ACVR2A: variants seen among roughly 807,000 people sequenced by gnomAD.
ACVR2A encodes the protein activin A receptor type 2A, also known as activin receptor type-2A.
ACVR2A carries 7 observed loss-of-function variants against 61.4 expected under a neutral mutation model. The ratio of observed to expected loss-of-function variants is 0.11; its 90% CI spans 0.06 to 0.21. The LOEUF (loss-of-function observed/expected upper bound fraction) is 0.21, where lower values mean the gene tolerates loss of function less well. Among genes scored for constraint, ACVR2A ranks in the 10% least tolerant of loss-of-function variants. The probability of loss-of-function intolerance (pLI) is 1.00; values close to 1 mark genes in which losing one functional copy is unlikely to be tolerated. For missense variants in ACVR2A, 322 were observed against 621.7 expected, an observed-to-expected ratio of 0.52 and a Z score of 5.13; for synonymous variants, 193 against 208.3, an observed-to-expected ratio of 0.93 and a Z score of 0.63.
intron 10 of ACVR2A, 114 bp from the exon 11 acceptor site, chr2:147,926,966 G>A (rs1687515116): frequency 2.0e-6 from 2 of 998,210 alleles, no homozygotes; most frequent in Non-Finnish European, 2.9e-6. Context: ...AGTGAATGTT[G>A]ACAGAAACTT....
intron 1 of ACVR2A, among the ~76,000 whole-genome samples, chr2:147,859,762 C>G (rs1301797036): frequency 6.6e-6 from 1 of 152,052 alleles, no homozygotes; most frequent in Non-Finnish European, 1.5e-5. Flanking sequence ...TTTCTTGCTA[C>G]AGTACGTTTT....
intron 8 of ACVR2A, among the ~76,000 whole-genome samples, chr2:147,922,327 T>C (rs1049463613): frequency 1.3e-5 from 2 of 152,138 alleles, no homozygotes; most frequent in African/African-American, 4.8e-5. Flanking sequence ...GACTACTCTC[T>C]AGTTCGAATA....
intron 1 of ACVR2A, among the ~76,000 whole-genome samples, chr2:147,893,240 A>T (rs1558805493): frequency 6.6e-6 from 1 of 152,112 alleles, no homozygotes; most frequent in Admixed American, 6.5e-5. Context: ...TCACTAGTTC[A>T]TTCCTTTTTT....
At chr2:147,922,130 G>T (rs1008431855) in intron 8 of ACVR2A, among the ~76,000 whole-genome samples, 1 of 151,986 alleles carries the variant, frequency 6.6e-6, no homozygotes, top group Non-Finnish European at 1.5e-5. Flanking sequence ...ATTCTGAGTA[G>T]TAAATTTTTT....
intron 1 of ACVR2A, among the ~76,000 whole-genome samples, chr2:147,880,819 G>T (rs1686280604): frequency 1.3e-5 from 2 of 152,160 alleles, no homozygotes; most frequent in Non-Finnish European, 2.9e-5. Context: ...TGCTGTACCT[G>T]TGTGAAAGAC....
At chr2:147,889,596 A>T (rs1280147616) in intron 1 of ACVR2A, among the ~76,000 whole-genome samples, 2 of 151,854 alleles carry the variant, frequency 1.3e-5, no homozygotes, top group Non-Finnish European at 2.9e-5. Flanking sequence ...TACAAAAAAA[A>T]ATTAGCCAAG....
chr2:147,890,371 TAC>T (rs1189807183), intron 1 of ACVR2A, among the ~76,000 whole-genome samples: 15 of 151,764 alleles, frequency 9.9e-5, no homozygotes, highest in Non-Finnish European at 1.5e-4. Context: ...TGTGTGTGTA[TAC>T]ACACATACAT....
At chr2:147,926,941 A>G in intron 10 of ACVR2A, 139 bp from the exon 11 acceptor site, 2 of 764,132 alleles carry the variant, frequency 2.6e-6, no homozygotes, top group South Asian at 1.8e-5. Flanking sequence ...GATTCTGCAC[A>G]TGGTAGTCAA....
intron 1 of ACVR2A, among the ~76,000 whole-genome samples, chr2:147,890,996 TA>T (rs2105183408): frequency 6.6e-6 from 1 of 152,242 alleles, no homozygotes; most frequent in African/African-American, 2.4e-5. Flanking sequence ...CTATCTACCT[TA>T]AAAAATGGTG....
intron 1 of ACVR2A, among the ~76,000 whole-genome samples, chr2:147,854,622 G>A (rs1161560974): frequency 1.3e-5 from 2 of 152,202 alleles, no homozygotes; most frequent in African/African-American, 4.8e-5. Flanking sequence ...CTAAATTAAA[G>A]AGGGTGAAAT....
intron 4 of ACVR2A, among the ~76,000 whole-genome samples, chr2:147,904,222 G>A (rs1322763111): frequency 1.3e-5 from 2 of 151,846 alleles, no homozygotes; most frequent in South Asian, 2.1e-4. Context: ...TGAGTAAACC[G>A]AATGCAAACT....
At chr2:147,912,913 T>C (rs1182744436) in intron 4 of ACVR2A, among the ~76,000 whole-genome samples, 1 of 151,868 alleles carries the variant, frequency 6.6e-6, no homozygotes, top group Non-Finnish European at 1.5e-5. Context: ...TTTTACCTTT[T>C]AAGTAATTTT....
At chr2:147,891,863 A>G (rs1226713339) in intron 1 of ACVR2A, among the ~76,000 whole-genome samples, 1 of 152,216 alleles carries the variant, frequency 6.6e-6, no homozygotes, top group Non-Finnish European at 1.5e-5. Flanking sequence ...AAAGGAGGAA[A>G]CTTACCTTGC....
At chr2:147,868,608 ATATTT>A (rs1377423197) in intron 1 of ACVR2A, among the ~76,000 whole-genome samples, 19 of 150,370 alleles carry the variant, frequency 1.3e-4, no homozygotes, top group African/African-American at 4.4e-4. Flanking sequence ...TGTTTCTGTT[ATATTT>A]TATTTTATTT....
At chr2:147,916,456 C>T (rs1035516070) in intron 5 of ACVR2A, among the ~76,000 whole-genome samples, 4 of 151,900 alleles carry the variant, frequency 2.6e-5, no homozygotes, top group Non-Finnish European at 2.9e-5. Context: ...AATATGTGTA[C>T]GTATATTACC....
chr2:147,862,603 G>C (rs1685755233), intron 1 of ACVR2A, among the ~76,000 whole-genome samples: 1 of 151,990 alleles, frequency 6.6e-6, no homozygotes, highest in African/African-American at 2.4e-5. Flanking sequence ...AATTAGCCGG[G>C]TGTGGTAGCA....
chr2:147,918,470 G>A lies in ACVR2A; in HGVS notation c.840G>A (p.Lys280=). 6.2e-7 allele frequency: 1 copy of A among 1,610,456 alleles called. No individual in the cohort carries two copies. Among genetic ancestry groups the A allele is most frequent in the Admixed American group, 1.7e-5 (1 of 59,584 alleles). The change falls in exon 7 of 11, where the codon AAG becomes AAA. Residue 280 remains lysine (K), a synonymous_variant. Coordinates refer to ENST00000241416, the MANE Select transcript of ACVR2A (RefSeq NM_001616.5). ...HEKGSLSDFL[K]ANVVSWNELC... is the part of the protein sequence containing the mutation. ...AGGGTTCACTATCAGACTTTCTTAA[G>A]GCTAATGTGGTCTCTTGGAATGAAC... is the stretch of plus-strand genomic sequence containing the variant.
chr2:147,920,179 TA>T (rs1410002286), intron 7 of ACVR2A, 50 bp from the exon 8 acceptor site: 5 of 1,285,554 alleles, frequency 3.9e-6, no homozygotes, highest in African/African-American at 3.0e-5. Context: ...ATAAAAAATT[TA>T]AAAAGGTAAC....
chr2:147,914,465 A>G (rs921038714), intron 4 of ACVR2A, among the ~76,000 whole-genome samples: 5 of 151,974 alleles, frequency 3.3e-5, no homozygotes, highest in Non-Finnish European at 5.9e-5. Flanking sequence ...TCTTTCATTT[A>G]CCATATCCTG....
Sources: gnomAD v4.1 joint callset for allele counts (sites outside exome capture counted in the v4.1 genomes callset) on GRCh38, gnomAD v4.1.1 for gene constraint, MANE v1.5 for transcripts, NCBI Gene and HGNC (gene_info 2026-07-23, HGNC 2026-07-21) for gene names.